The following CNTNAP2 variants were observed in gnomAD, a reference collection of about 807,000 sequenced individuals.
The protein encoded by CNTNAP2 is contactin-associated protein-like 2.
Under a neutral mutation model 155.2 loss-of-function variants are expected in CNTNAP2, and 98 were observed. That is an observed-to-expected ratio of 0.63 (90% CI 0.54 to 0.75). The LOEUF (loss-of-function observed/expected upper bound fraction) is 0.75. Ranked by LOEUF, CNTNAP2 falls within the 30% of genes least tolerant of loss-of-function variation. The probability of loss-of-function intolerance (pLI) is 0.00; values close to 1 mark genes in which losing one functional copy is unlikely to be tolerated. For synonymous variants in CNTNAP2, 651 were observed against 631.2 expected, an observed-to-expected ratio of 1.03 and a Z score of -0.47; for missense variants, 1,727 against 1,688.1, an observed-to-expected ratio of 1.02 and a Z score of -0.40.
intron 15 of CNTNAP2, among the ~76,000 whole-genome samples, chr7:148,078,022 G>C (rs1227017255): frequency 6.6e-6 from 1 of 151,886 alleles, no homozygotes; most frequent in Non-Finnish European, 1.5e-5. Flanking sequence ...ATAGAGTATG[G>C]TTTCAGATAT....
intron 10 of CNTNAP2, among the ~76,000 whole-genome samples, chr7:147,419,781 T>A (rs113941066): frequency 9.0e-4 from 137 of 152,312 alleles, no homozygotes; most frequent in Non-Finnish European, 1.6e-3. Flanking sequence ...CTTGATCTGG[T>A]CCCAGATTTG....
At chr7:147,274,985 G>A (rs1339309667) in intron 8 of CNTNAP2, among the ~76,000 whole-genome samples, 1 of 151,568 alleles carries the variant, frequency 6.6e-6, no homozygotes, top group Non-Finnish European at 1.5e-5. Flanking sequence ...GTTGTGTGTG[G>A]CTTTATTTCT....
At position 146,678,580 on chromosome 7, in the gene CNTNAP2, C is replaced by T. The variant is rs150000155; in HGVS notation, c.98-95691C>T. Among the ~76,000 whole-genome samples the T allele has an allele frequency of 1.4e-4, 21 of 152,096 alleles. No individual in the cohort carries two copies. In the East Asian group the frequency reaches 3.7e-3, roughly 27 times the overall value. Reference sequence around the variant, plus strand: ...AATAATTCCACAGTACTCAGTAGGACCTATTAGGTTTCACTAGAATAATTT... The same window carrying T: ...AATAATTCCACAGTACTCAGTAGGATCTATTAGGTTTCACTAGAATAATTT... On this transcript the variant is annotated intron_variant, in intron 1 of 23. Transcript: ENST00000361727.
intron 10 of CNTNAP2, among the ~76,000 whole-genome samples, chr7:147,403,116 T>G (rs1297338241): frequency 6.6e-6 from 1 of 152,180 alleles, no homozygotes; most frequent in Admixed American, 6.5e-5. Flanking sequence ...ATGATCAAAG[T>G]TGGGTCCCCA....
intron 9 of CNTNAP2, among the ~76,000 whole-genome samples, chr7:147,345,596 T>C (rs1049830994): frequency 3.9e-5 from 6 of 152,210 alleles, no homozygotes; most frequent in Non-Finnish European, 7.3e-5. Flanking sequence ...TTTATTTTGC[T>C]GGGTTAAAAC....
At chr7:146,819,970 T>G (rs894212936) in intron 2 of CNTNAP2, among the ~76,000 whole-genome samples, 2 of 152,220 alleles carry the variant, frequency 1.3e-5, no homozygotes, top group Admixed American at 6.6e-5. Flanking sequence ...ATTGTTGGAA[T>G]ATCCATACAA....
At chr7:147,534,471 T>G (rs1185207176) in intron 11 of CNTNAP2, among the ~76,000 whole-genome samples, 1 of 152,168 alleles carries the variant, frequency 6.6e-6, no homozygotes, top group Admixed American at 6.5e-5. Context: ...AGTAGTACCC[T>G]TACACGGAAC....
chr7:147,386,500 T>C (rs1395697398), intron 9 of CNTNAP2, among the ~76,000 whole-genome samples: 1 of 152,160 alleles, frequency 6.6e-6, no homozygotes, highest in Non-Finnish European at 1.5e-5. Context: ...CTATCTGAAG[T>C]TCGAAGTTTC....
chr7:146,581,287 C>T (rs1400324319), intron 1 of CNTNAP2, among the ~76,000 whole-genome samples: 3 of 152,006 alleles, frequency 2.0e-5, no homozygotes, highest in Non-Finnish European at 4.4e-5. Flanking sequence ...GCAAGAAATG[C>T]CTTTCTCCAA....
chr7:146,855,553 T>C (rs1403144835), intron 3 of CNTNAP2, among the ~76,000 whole-genome samples: 2 of 151,952 alleles, frequency 1.3e-5, no homozygotes, highest in African/African-American at 4.8e-5. Flanking sequence ...GGATATATTG[T>C]TTAGTGAAAA....
chr7:146,434,116 T>C (rs1438242238), intron 1 of CNTNAP2, among the ~76,000 whole-genome samples: 2 of 152,226 alleles, frequency 1.3e-5, no homozygotes, highest in Middle Eastern at 3.4e-3. Flanking sequence ...AAATGATACA[T>C]GAGGATTAGT....
At chr7:147,520,620 G>A (rs974051036) in intron 11 of CNTNAP2, among the ~76,000 whole-genome samples, 1 of 152,292 alleles carries the variant, frequency 6.6e-6, no homozygotes, top group Non-Finnish European at 1.5e-5. Flanking sequence ...TCTGCATTTG[G>A]TGTCTGTCTT....
chr7:146,954,003 G>T lies in CNTNAP2; in HGVS notation c.403-89904G>T, dbSNP rs576248313. 2.0e-4 allele frequency among the ~76,000 whole-genome samples: 31 copies of T among 151,938 alleles called. No homozygotes were observed. In the South Asian group the frequency reaches 3.9e-3, roughly 19 times the overall value. ...TAGCTGTATATAATCAACTATTATTGCTTTGATACCACCATATAACGTGGG... is the reference window on the plus strand; with the variant it reads ...TAGCTGTATATAATCAACTATTATTTCTTTGATACCACCATATAACGTGGG... On this transcript the variant is annotated intron_variant, in intron 3 of 23. Transcript: ENST00000361727.
At chr7:148,130,792 T>C (rs746252975) in intron 16 of CNTNAP2, among the ~76,000 whole-genome samples, 21 of 152,212 alleles carry the variant, frequency 1.4e-4, no homozygotes, top group Non-Finnish European at 2.6e-4. Flanking sequence ...ATTGAAATCC[T>C]GCCCACACAA....
chr7:146,431,244 C>G (rs1043915249), intron 1 of CNTNAP2, among the ~76,000 whole-genome samples: 1 of 151,964 alleles, frequency 6.6e-6, no homozygotes, highest in African/African-American at 2.4e-5. Context: ...ATTTATTATG[C>G]TCATTTAGTA....
intron 1 of CNTNAP2, among the ~76,000 whole-genome samples, chr7:146,273,857 C>T (rs1249482204): frequency 6.6e-6 from 1 of 152,042 alleles, no homozygotes; most frequent in African/African-American, 2.4e-5. Context: ...GTATTTAATC[C>T]TCACAGATCA....
chr7:146,600,249 T>A (rs372854748), intron 1 of CNTNAP2, among the ~76,000 whole-genome samples: 1 of 152,124 alleles, frequency 6.6e-6, no homozygotes, highest in South Asian at 2.1e-4. Context: ...TTACGGGCAT[T>A]TTCTTTTCAT....
chr7:146,938,897 C>T lies in CNTNAP2; in HGVS notation c.402+98993C>T, dbSNP rs138454266. Among the ~76,000 whole-genome samples the T allele has an allele frequency of 7.6e-3, 1,156 of 152,168 alleles. 32 individuals are homozygous for T. Among genetic ancestry groups the T allele is most frequent in the Admixed American group, 0.055 (840 of 15,270 alleles). On this transcript the variant is annotated intron_variant, in intron 3 of 23. Transcript: ENST00000361727. The stretch of plus-strand genomic sequence containing the variant: ...TGGTAGTCCCAGAAATCTAACAATC[C>T]TGATGAATTGAGTGATTATTGAAAG...
intron 15 of CNTNAP2, among the ~76,000 whole-genome samples, chr7:148,088,607 T>C (rs1452526350): frequency 6.6e-6 from 1 of 151,810 alleles, no homozygotes; most frequent in Non-Finnish European, 1.5e-5. Context: ...CCACCAAAAC[T>C]GAATCATGAT....
Sources: allele counts gnomAD v4.1 joint callset (sites outside exome capture counted in the v4.1 genomes callset), GRCh38; gene constraint gnomAD v4.1.1; transcripts MANE v1.5; gene names NCBI Gene and HGNC (gene_info 2026-07-23, HGNC 2026-07-21).